Variants in ACVR1B observed in about 807,000 individuals in gnomAD.
The protein encoded by ACVR1B is activin A receptor type 1B.
A neutral mutation model predicts 55.6 loss-of-function variants in ACVR1B; 15 were observed. The ratio of observed to expected loss-of-function variants is 0.27; its 90% CI spans 0.18 to 0.42. The LOEUF is 0.42. Among genes scored for constraint, ACVR1B ranks in the 10% least tolerant of loss-of-function variants. The pLI is 1.00. For missense variants in ACVR1B, 359 were observed against 670.1 expected (o/e 0.54, Z 5.13); for synonymous variants, 247 against 254.6 (o/e 0.97, Z 0.28).
chr12:51,991,757 T>C (rs1942195812), intron 7 of ACVR1B, 106 bp from the exon 8 acceptor site: 3 of 1,224,830 alleles, frequency 2.4e-6, no homozygotes, highest in Non-Finnish European at 1.1e-6. Flanking sequence ...TAAGGAACCT[T>C]AGGGGGTAGT....
intron 8 of ACVR1B, 93 bp from the exon 9 acceptor site, chr12:51,993,892 G>A (rs1592264641): frequency 6.5e-7 from 1 of 1,540,408 alleles, no homozygotes; most frequent in East Asian, 2.3e-5. Flanking sequence ...ACTGCACTGA[G>A]CGGGAGGTGG....
chr12:51,965,828 C>T (rs773074234), intron 1 of ACVR1B, among the ~76,000 whole-genome samples: 20 of 152,134 alleles, frequency 1.3e-4, no homozygotes, highest in African/African-American at 4.6e-4. Flanking sequence ...CCTTAGGATA[C>T]GCAGTCTTAG....
intron 1 of ACVR1B, among the ~76,000 whole-genome samples, chr12:51,962,913 C>T (rs1941563358): frequency 1.3e-5 from 2 of 152,176 alleles, no homozygotes; most frequent in Non-Finnish European, 2.9e-5. Context: ...TTGCCAGGTG[C>T]TGTACTAGAT....
At position 51,981,159 on chromosome 12, in the gene ACVR1B, C is replaced by A. The variant is rs2120662807; in HGVS notation, c.771C>A (p.Arg257=). 1.2e-6 allele frequency: 2 copies of A among 1,614,080 alleles called. No homozygotes were observed. The highest frequency in any genetic ancestry group is 1.7e-6 in the Non-Finnish European group (2 of 1,179,986). ...EAEIYQTVML[R]HENILGFIAA... is the part of the protein sequence containing the mutation. ...AGATATACCAGACGGTCATGCTGCG[C>A]CATGAAAACATCCTTGGATTTATTG... The change falls in exon 4 of 9, where the codon CGC becomes CGA. Residue 257 remains arginine, a synonymous_variant. Coordinates refer to ENST00000257963, the MANE Select transcript of ACVR1B (RefSeq NM_004302.5).
At chr12:51,977,655 G>A (rs1305159606) in intron 3 of ACVR1B, among the ~76,000 whole-genome samples, 2 of 105,274 alleles carry the variant, frequency 1.9e-5, no homozygotes, top group Non-Finnish European at 3.5e-5. Flanking sequence ...TCGCTCTGTT[G>A]TTGCCCAGGC....
At chr12:51,977,625 T>G (rs1165122026) in intron 3 of ACVR1B, among the ~76,000 whole-genome samples, 7 of 149,148 alleles carry the variant, frequency 4.7e-5, no homozygotes, top group Non-Finnish European at 8.9e-5. Context: ...TTTTTTTTTT[T>G]TTTGTTTTAA....
At chr12:51,967,277 A>G (rs1210385759) in intron 1 of ACVR1B, among the ~76,000 whole-genome samples, 1 of 145,660 alleles carries the variant, frequency 6.9e-6, no homozygotes, top group Non-Finnish European at 1.5e-5. Context: ...AAAAACATTA[A>G]AGGTGGTGCG....
chr12:51,994,795 T>A lies in ACVR1B; in HGVS notation c.*685T>A, dbSNP rs912444406. 6.5e-6 allele frequency: 1 copy of A among 152,830 alleles called. No individual in the cohort carries two copies. The highest frequency in any genetic ancestry group is 1.5e-5 in the Non-Finnish European group (1 of 68,360). 9.5% of individuals were successfully genotyped at this position (152,830 alleles called of 1,614,324 possible). A position where few individuals can be genotyped will look rare whatever the true frequency, so the allele number is the denominator to read the frequency against. On this transcript the variant is annotated 3_prime_UTR_variant, in exon 9 of 9. Transcript: ENST00000257963. The surrounding 1 kb of genome is among the most constrained non-coding windows in gnomAD (Gnocchi z 4.2). ...TTTCTGTGCATGTGCAGGTCGGGGG[T>A]GTGGTCGTCATGCTGTCCGTGCTTG...
intron 1 of ACVR1B, among the ~76,000 whole-genome samples, chr12:51,956,276 A>G (rs1331549503): frequency 6.6e-6 from 1 of 152,226 alleles, no homozygotes; most frequent in African/African-American, 2.4e-5. Flanking sequence ...AATGAAAGTA[A>G]CTGCCTTTCC....
intron 3 of ACVR1B, among the ~76,000 whole-genome samples, chr12:51,979,857 G>A (rs1941944098): frequency 6.6e-6 from 1 of 152,098 alleles, no homozygotes; most frequent in Admixed American, 6.5e-5. Context: ...GGTGTGTGTG[G>A]GTGCACAGGG....
chr12:51,985,111 C>T (rs1345956176), intron 5 of ACVR1B, 81 bp from the exon 6 acceptor site: 4 of 1,442,556 alleles, frequency 2.8e-6, no homozygotes, highest in Non-Finnish European at 1.9e-6. Context: ...GGACTCAAAC[C>T]TATACAGTCT....
chr12:51,960,700 C>T (rs1941503113), intron 1 of ACVR1B, among the ~76,000 whole-genome samples: 2 of 152,156 alleles, frequency 1.3e-5, no homozygotes, highest in Admixed American at 6.5e-5. Flanking sequence ...AAAACATGTG[C>T]TCTAAATATT....
chr12:51,982,530 G>T (rs1460129770), intron 4 of ACVR1B, among the ~76,000 whole-genome samples: 2 of 152,204 alleles, frequency 1.3e-5, no homozygotes, highest in Non-Finnish European at 2.9e-5. Context: ...GGCACCCGGA[G>T]CACAGAGAGG....
intron 7 of ACVR1B, among the ~76,000 whole-genome samples, chr12:51,988,260 A>G (rs1942120100): frequency 6.6e-6 from 1 of 152,126 alleles, no homozygotes; most frequent in Non-Finnish European, 1.5e-5. Flanking sequence ...CACGAGGTCA[A>G]GAGATCGAGA....
At chr12:51,993,850 G>C in intron 8 of ACVR1B, 135 bp from the exon 9 acceptor site, 1 of 963,622 alleles carries the variant, frequency 1.0e-6, no homozygotes, top group Admixed American at 3.3e-5. Flanking sequence ...ATTTCCCTAA[G>C]GTCGGCCGCC....
intron 1 of ACVR1B, among the ~76,000 whole-genome samples, chr12:51,964,913 T>C (rs1244856752): frequency 1.3e-5 from 2 of 152,108 alleles, no homozygotes; most frequent in Non-Finnish European, 2.9e-5. Context: ...ATTTTTTTTT[T>C]CTCCCAAGAT....
chr12:51,953,377 G>T, intron 1 of ACVR1B: 1 of 985,422 alleles, frequency 1.0e-6, no homozygotes, highest in Non-Finnish European at 1.2e-6. Context: ...TTGTTCACGG[G>T]CTAATGCTTC....
chr12:51,975,558 G>A (rs1219861698), intron 2 of ACVR1B, 54 bp downstream of exon 2: 7 of 1,577,698 alleles, frequency 4.4e-6, no homozygotes, highest in African/African-American at 2.7e-5. Flanking sequence ...AGGGTACCCC[G>A]TCATTTCATT....
chr12:51,990,769 A>AT, intron 7 of ACVR1B, among the ~76,000 whole-genome samples: 1 of 151,750 alleles, frequency 6.6e-6, no homozygotes, highest in East Asian at 1.9e-4. Context: ...GTTCCCCCTC[A>AT]TTTTTTCTTC....
Sources: allele counts gnomAD v4.1 joint callset (sites outside exome capture counted in the v4.1 genomes callset), GRCh38; gene constraint gnomAD v4.1.1; non-coding constraint Gnocchi (gnomAD v3.1); transcripts MANE v1.5; gene names NCBI Gene and HGNC (gene_info 2026-07-23, HGNC 2026-07-21).